MTSS1: variants seen among roughly 807,000 people sequenced by gnomAD.
MTSS1 encodes the protein MTSS I-BAR domain containing 1.
MTSS1 carries 18 observed loss-of-function variants against 79.0 expected under a neutral mutation model. That is an observed-to-expected ratio of 0.23 (90% CI 0.16 to 0.34). MTSS1 has a LOEUF of 0.34. MTSS1 is among the 10% of genes least tolerant of loss of function. The probability of loss-of-function intolerance (pLI) is 1.00; values close to 1 mark genes in which losing one functional copy is unlikely to be tolerated. For missense variants in MTSS1, 815 were observed against 986.2 expected, an observed-to-expected ratio of 0.83 and a Z score of 2.33; for synonymous variants, 341 against 368.6, an observed-to-expected ratio of 0.93 and a Z score of 0.86.
chr8:124,580,758 A>T, intron 6 of MTSS1: 1 of 555,970 alleles, frequency 1.8e-6, no homozygotes, highest in South Asian at 2.2e-5. Context: ...TGCCTTACTA[A>T]TATCTTCCTT....
chr8:124,560,158 T>C (rs748601830), intron 10 of MTSS1, among the ~76,000 whole-genome samples: 4 of 152,094 alleles, frequency 2.6e-5, no homozygotes, highest in Non-Finnish European at 5.9e-5. Context: ...GGTTTGGATT[T>C]AAGTCACATT....
rs969525792 is a variant in MTSS1, at chr8:124,556,328, G to A, written c.1308C>T (p.Asp436=). 2 of 1,614,092 alleles carry A rather than the reference G, an allele frequency of 1.2e-6. No individual in the cohort carries two copies. The highest frequency in any genetic ancestry group is 2.7e-5 in the African/African-American group (2 of 74,956). Residue 436 remains aspartate (D), a synonymous_variant, in exon 12 of 14, where the codon GAC becomes GAT. Transcript: ENST00000518547. The part of the protein sequence containing the change: ...LQRRKEKREP[D]PNGGGPTTAS... ...CGGTAGTGGGTCCTCCCCCGTTGGG[G>A]TCCGGTTCTCGCTTCTCTTTGCGGC...
At chr8:124,615,729 A>C (rs113735498) in intron 3 of MTSS1, among the ~76,000 whole-genome samples, 1 of 152,208 alleles carries the variant, frequency 6.6e-6, no homozygotes, top group African/African-American at 2.4e-5. Flanking sequence ...AAAAATTAAA[A>C]TTTTTTTAAA....
At chr8:124,701,800 C>T (rs1257318049) in intron 2 of MTSS1, among the ~76,000 whole-genome samples, 1 of 152,206 alleles carries the variant, frequency 6.6e-6, no homozygotes, top group Non-Finnish European at 1.5e-5. Flanking sequence ...GCAGAGCAAA[C>T]TTGTAACCAA....
chr8:124,684,041 C>T (rs1826555506), intron 3 of MTSS1, among the ~76,000 whole-genome samples: 1 of 152,350 alleles, frequency 6.6e-6, no homozygotes, highest in Non-Finnish European at 1.5e-5. Flanking sequence ...ACGGCCAAAA[C>T]TTGGAGATTG....
chr8:124,684,501 T>C (rs368382882), intron 3 of MTSS1, among the ~76,000 whole-genome samples: 32 of 152,342 alleles, frequency 2.1e-4, no homozygotes, highest in Admixed American at 9.1e-4. Context: ...ATTAGGAACA[T>C]TCATTTCTAA....
At chr8:124,705,829 T>C (rs1186266372) in intron 1 of MTSS1, among the ~76,000 whole-genome samples, 1 of 152,234 alleles carries the variant, frequency 6.6e-6, no homozygotes, top group Non-Finnish European at 1.5e-5. Context: ...TGGGGGGCTG[T>C]CCTGCACATT....
intron 1 of MTSS1, among the ~76,000 whole-genome samples, chr8:124,713,182 G>A (rs765284839): frequency 3.9e-5 from 6 of 152,104 alleles, no homozygotes; most frequent in South Asian, 2.1e-4. Flanking sequence ...AGTGGATACC[G>A]TACTGGACAG....
intron 10 of MTSS1, among the ~76,000 whole-genome samples, chr8:124,561,890 TTGAG>T (rs1825411766): frequency 6.6e-6 from 1 of 151,352 alleles, no homozygotes; most frequent in African/African-American, 2.4e-5. Context: ...GCGTTTAAAA[TTGAG>T]TGTGTATCCA....
At position 124,672,129 on chromosome 8, in the gene MTSS1, A is replaced by G. The variant is rs571695258; in HGVS notation, c.208+27397T>C. Among the ~76,000 whole-genome samples, 4 of 152,380 alleles carry G rather than the reference A, an allele frequency of 2.6e-5. No homozygotes were observed. The South Asian group carries it at 8.3e-4, about 32-fold the overall frequency. ...ATTTTTTCAGCATTTATGAAGTAAT[A>G]AGATACATCCAGACTATAAAACATA... On this transcript the variant is annotated intron_variant, in intron 3 of 13. Transcript: ENST00000518547.
At chr8:124,682,457 T>TGTGAG (rs1220825118) in intron 3 of MTSS1, among the ~76,000 whole-genome samples, 45 of 152,166 alleles carry the variant, frequency 3.0e-4, no homozygotes, top group African/African-American at 1.0e-3. Context: ...AGGCCACAGG[T>TGTGAG]GTGAGGGGCG....
chr8:124,598,526 C>A (rs903673045), intron 3 of MTSS1, among the ~76,000 whole-genome samples: 1 of 152,150 alleles, frequency 6.6e-6, no homozygotes, highest in Non-Finnish European at 1.5e-5. Flanking sequence ...GGGAAGCCAC[C>A]TGACATGCTC....
intron 3 of MTSS1, among the ~76,000 whole-genome samples, chr8:124,695,436 C>T (rs12550311): frequency 0.21 from 32,183 of 152,100 alleles, 3,599 homozygotes; most frequent in Admixed American, 0.25. Context: ...GTTAGAGTCA[C>T]GGCCTACACC....
At chr8:124,685,516 C>A (rs887836437) in intron 3 of MTSS1, among the ~76,000 whole-genome samples, 1 of 152,120 alleles carries the variant, frequency 6.6e-6, no homozygotes, top group Non-Finnish European at 1.5e-5. Flanking sequence ...GGAGGAAAGG[C>A]GTCCTGGAGG....
At chr8:124,629,595 C>T (rs1287684198) in intron 3 of MTSS1, among the ~76,000 whole-genome samples, 2 of 151,976 alleles carry the variant, frequency 1.3e-5, no homozygotes, top group Non-Finnish European at 1.5e-5. Context: ...CTCTGAAGCC[C>T]GAGATCTGAC....
intron 3 of MTSS1, among the ~76,000 whole-genome samples, chr8:124,608,839 C>G (rs906112025): frequency 6.6e-6 from 1 of 152,114 alleles, no homozygotes; most frequent in Non-Finnish European, 1.5e-5. Context: ...AACCGCAGGA[C>G]AGTGGAAGGA....
intron 3 of MTSS1, among the ~76,000 whole-genome samples, chr8:124,618,607 A>G (rs1175318192): frequency 6.6e-6 from 1 of 152,182 alleles, no homozygotes; most frequent in Non-Finnish European, 1.5e-5. Context: ...TAGGAACAGG[A>G]GCTCAGAGTC....
Position 124,608,737 on chromosome 8 carries a change from T to C in MTSS1, c.209-17502A>G, listed in dbSNP as rs573461939. Among the ~76,000 whole-genome samples, 21 of 152,308 alleles carry C rather than the reference T, an allele frequency of 1.4e-4. 2 individuals are homozygous for C. The South Asian group carries it at 4.1e-3, about 30-fold the overall frequency. ...CTTGGGCTAATTCTGATCAGGTGTA[T>C]GGATGCCTGGGGCACTGTGTGGAGG... is the stretch of plus-strand genomic sequence containing the variant. On this transcript the variant is annotated intron_variant, in intron 3 of 13. Coordinates refer to ENST00000518547, the MANE Select transcript of MTSS1 (RefSeq NM_014751.6).
chr8:124,565,046 G>A (rs561264213), intron 9 of MTSS1, among the ~76,000 whole-genome samples: 4 of 152,294 alleles, frequency 2.6e-5, no homozygotes, highest in South Asian at 2.1e-4. Context: ...TTTCCTACTC[G>A]GCAAGCCAAG....
Sources: allele counts gnomAD v4.1 joint callset (sites outside exome capture counted in the v4.1 genomes callset), GRCh38; gene constraint gnomAD v4.1.1; transcripts MANE v1.5; gene names NCBI Gene and HGNC (gene_info 2026-07-23, HGNC 2026-07-21).